Variants in CTDSPL2 observed in about 807,000 individuals in gnomAD.
The protein encoded by CTDSPL2 is CTD small phosphatase-like protein 2.
In CTDSPL2, 5 loss-of-function variants were observed where a neutral mutation model predicts 60.0. The ratio of observed to expected loss-of-function variants is 0.08; its 90% CI spans 0.04 to 0.18. The LOEUF is 0.18. Ranked by LOEUF, CTDSPL2 falls within the 10% of genes least tolerant of loss-of-function variation. The pLI is 1.00. For missense variants in CTDSPL2, 370 were observed against 548.8 expected (o/e 0.67, Z 3.26); for synonymous variants, 186 against 189.3 (o/e 0.98, Z 0.14).
At chr15:44,521,187 A>G (rs2081760836) in intron 11 of CTDSPL2, 124 bp from the exon 12 acceptor site, 1 of 508,320 alleles carries the variant, frequency 2.0e-6, no homozygotes, top group Non-Finnish European at 3.4e-6. Context: ...GTCTGGTGAC[A>G]TTACTTTTCA....
intron 8 of CTDSPL2, among the ~76,000 whole-genome samples, chr15:44,507,623 TTTTATC>T (rs1271643249): frequency 2.6e-5 from 4 of 152,148 alleles, no homozygotes; most frequent in Non-Finnish European, 4.4e-5. Context: ...AAGGTTTGGG[TTTTATC>T]TTTAAGTTCT....
rs138547428 is a variant in CTDSPL2, at chr15:44,488,295, G to A, written c.475+1595G>A. Reference sequence around the variant, plus strand: ...AGGTAGAACAATTAGTAGACTTGTAGTCGTTTGTGTGAGACTTGATGAGAC... The same window carrying A: ...AGGTAGAACAATTAGTAGACTTGTAATCGTTTGTGTGAGACTTGATGAGAC... On this transcript the variant is annotated intron_variant, in intron 4 of 12. Transcript: ENST00000260327. 2.2e-3 allele frequency among the ~76,000 whole-genome samples: 341 copies of A among 152,236 alleles called. 1 individual carries two copies. Among genetic ancestry groups the A allele is most frequent in the African/African-American group, 7.9e-3 (329 of 41,552 alleles).
intron 11 of CTDSPL2, 59 bp from the exon 12 acceptor site, chr15:44,521,252 T>C (rs2081761946): frequency 2.3e-5 from 20 of 861,752 alleles, no homozygotes; most frequent in Non-Finnish European, 3.6e-5. Flanking sequence ...TTTTTAACTT[T>C]TTCCAAACTA....
intron 1 of CTDSPL2, among the ~76,000 whole-genome samples, chr15:44,452,438 G>T (rs1368756396): frequency 6.6e-6 from 1 of 151,916 alleles, no homozygotes; most frequent in African/African-American, 2.4e-5. Context: ...TTCTGTTTTG[G>T]GGCATTTTTG....
At chr15:44,453,953 G>A (rs1379981579) in intron 1 of CTDSPL2, among the ~76,000 whole-genome samples, 1 of 152,194 alleles carries the variant, frequency 6.6e-6, no homozygotes, top group East Asian at 1.9e-4. Flanking sequence ...TAATGGGATA[G>A]CTGGGTCAAA....
chr15:44,456,860 T>C (rs1393438663), intron 1 of CTDSPL2, among the ~76,000 whole-genome samples: 2 of 149,568 alleles, frequency 1.3e-5, no homozygotes, highest in African/African-American at 5.0e-5. Flanking sequence ...GATCTTTTTT[T>C]TTTTTCTTTT....
intron 2 of CTDSPL2, among the ~76,000 whole-genome samples, chr15:44,478,152 A>T (rs764317371): frequency 1.3e-5 from 2 of 152,028 alleles, no homozygotes; most frequent in African/African-American, 4.8e-5. Context: ...AATTCCTTGG[A>T]AAAGATTGGT....
At chr15:44,471,013 T>C (rs1486867293) in intron 2 of CTDSPL2, among the ~76,000 whole-genome samples, 3 of 152,190 alleles carry the variant, frequency 2.0e-5, no homozygotes, top group Non-Finnish European at 4.4e-5. Flanking sequence ...TTTATGCACA[T>C]GACCAAAAAG....
At chr15:44,461,529 C>T (rs1184183786) in intron 2 of CTDSPL2, among the ~76,000 whole-genome samples, 4 of 150,280 alleles carry the variant, frequency 2.7e-5, no homozygotes, top group East Asian at 2.0e-4. Flanking sequence ...GCTAGGACTA[C>T]AGGCATGTAC....
Position 44,517,359 on chromosome 15 carries a change from A to G in CTDSPL2, c.1113-1810A>G, listed in dbSNP as rs534196403. 3.3e-5 allele frequency: 5 copies of G among 151,686 alleles called. No homozygotes were observed. The East Asian group carries it at 5.9e-4, about 18-fold the overall frequency. 9.4% of individuals were successfully genotyped at this position (151,686 alleles called of 1,614,324 possible). A position where few individuals can be genotyped will look rare whatever the true frequency, so the allele number is the denominator to read the frequency against. On this transcript the variant is annotated intron_variant, in intron 10 of 12. Transcript: ENST00000260327. ...CCTCGTCTCTACTAAAAATACAAAA[A>G]AAATTAGCTGGGCATGGTGGCAGGC...
chr15:44,440,583 C>T (rs376088768), intron 1 of CTDSPL2, among the ~76,000 whole-genome samples: 7 of 152,094 alleles, frequency 4.6e-5, no homozygotes, highest in African/African-American at 1.2e-4. Context: ...TGGTTATTTG[C>T]GTCTTTTTTT....
intron 1 of CTDSPL2, among the ~76,000 whole-genome samples, chr15:44,433,296 C>T (rs1475644751): frequency 7.0e-6 from 1 of 143,566 alleles, no homozygotes; most frequent in Non-Finnish European, 1.5e-5. Context: ...TCCAGTCTTC[C>T]AGCCTGGGTA....
At chr15:44,482,157 T>C (rs930970702) in intron 2 of CTDSPL2, among the ~76,000 whole-genome samples, 9 of 151,998 alleles carry the variant, frequency 5.9e-5, no homozygotes, top group Non-Finnish European at 1.0e-4. Context: ...CCAGTCGTTG[T>C]TGTTTTAGAG....
chr15:44,444,079 T>C (rs888521502), intron 1 of CTDSPL2, among the ~76,000 whole-genome samples: 1 of 151,822 alleles, frequency 6.6e-6, no homozygotes, highest in Non-Finnish European at 1.5e-5. Context: ...CTAATTTTTT[T>C]AGTTTTTTAG....
chr15:44,467,713 A>G (rs1247934830), intron 2 of CTDSPL2, among the ~76,000 whole-genome samples: 1 of 152,080 alleles, frequency 6.6e-6, no homozygotes, highest in Non-Finnish European at 1.5e-5. Flanking sequence ...AACTGGGATT[A>G]CAGGCACGTG....
intron 8 of CTDSPL2, among the ~76,000 whole-genome samples, chr15:44,502,750 A>G (rs2081400678): frequency 6.6e-6 from 1 of 152,188 alleles, no homozygotes; most frequent in Admixed American, 6.5e-5. Flanking sequence ...TGTTCATCAA[A>G]ATTCTTGTAA....
intron 2 of CTDSPL2, among the ~76,000 whole-genome samples, chr15:44,472,605 C>G (rs934420110): frequency 2.0e-5 from 3 of 148,804 alleles, no homozygotes; most frequent in African/African-American, 7.5e-5. Flanking sequence ...CTCAAGTGAT[C>G]CTTCACCTCA....
In CTDSPL2 at chr15:44,448,795, G is replaced by A. The variant is rs139589517; in HGVS notation, c.-24-10196G>A. The A allele has an allele frequency of 2.1e-3, 737 of 348,176 alleles. 4 individuals are homozygous for A. Among genetic ancestry groups the A allele is most frequent in the African/African-American group, 0.015 (685 of 44,554 alleles). 21.6% of individuals were successfully genotyped at this position (348,176 alleles called of 1,614,324 possible). On this transcript the variant is annotated intron_variant, in intron 1 of 12. Coordinates refer to ENST00000260327, the MANE Select transcript of CTDSPL2 (RefSeq NM_016396.3). Reference sequence around the variant, plus strand: ...ACCACCAAGGCCATAGGGAAGCTGCGGACGCTTAGGAGGGAAAAAAAAATC... The same window carrying A: ...ACCACCAAGGCCATAGGGAAGCTGCAGACGCTTAGGAGGGAAAAAAAAATC...
At chr15:44,506,021 G>GT (rs1286768395) in intron 8 of CTDSPL2, among the ~76,000 whole-genome samples, 1 of 140,764 alleles carries the variant, frequency 7.1e-6, no homozygotes, top group Non-Finnish European at 1.5e-5. Context: ...TGCTTCATTG[G>GT]TAACTTTTTT....
Sources: gnomAD v4.1 joint callset for allele counts (sites outside exome capture counted in the v4.1 genomes callset) on GRCh38, gnomAD v4.1.1 for gene constraint, MANE v1.5 for transcripts, NCBI Gene and HGNC (gene_info 2026-07-23, HGNC 2026-07-21) for gene names.